The following ADCK5 variants were observed in gnomAD, a reference collection of about 807,000 sequenced individuals.
ADCK5 encodes the protein aarF domain containing kinase 5.
ADCK5 carries 43 observed loss-of-function variants against 64.9 expected under a neutral mutation model. The ratio of observed to expected loss-of-function variants is 0.66; its 90% CI spans 0.52 to 0.85. ADCK5 has a LOEUF of 0.85. Ranked by LOEUF, ADCK5 falls within the 40% of genes least tolerant of loss-of-function variation. ADCK5 has a pLI of 0.00. For synonymous variants in ADCK5, 434 were observed against 342.8 expected, an observed-to-expected ratio of 1.27 and a Z score of -2.94; for missense variants, 760 against 810.5, an observed-to-expected ratio of 0.94 and a Z score of 0.76.
intron 2 of ADCK5, 146 bp from the exon 3 acceptor site, chr8:144,382,935 T>C (rs1819743258): frequency 1.7e-6 from 2 of 1,173,192 alleles, no homozygotes; most frequent in Admixed American, 2.3e-5. Flanking sequence ...AAGGGGACGC[T>C]GATGCGGTGG....
chr8:144,382,614 T>C (rs1260418441), intron 2 of ADCK5, among the ~76,000 whole-genome samples: 3 of 152,248 alleles, frequency 2.0e-5, no homozygotes, highest in Admixed American at 1.3e-4. Flanking sequence ...GGGCAAGCTC[T>C]GTTTCTTGCT....
At position 144,375,608 on chromosome 8, in the gene ADCK5, C is replaced by A. The variant is rs150788601; in HGVS notation, c.12+1501C>A. 1.1e-3 allele frequency: 1,037 copies of A among 985,446 alleles called. 6 individuals are homozygous for A. The African/African-American group carries it at 0.017, about 16-fold the overall frequency. The allele number at this position is 985,446 out of a possible 1,614,324, so 61.0% of individuals were successfully genotyped here. ...CATGTGGTTCTGCGGCCAAAGCACG[C>A]CCTTTGGTTGTGAACTTCATGATAC... On this transcript the variant is annotated intron_variant, in intron 1 of 14. Transcript: ENST00000308860.
chr8:144,387,406 C>G (rs971541001), intron 3 of ADCK5, among the ~76,000 whole-genome samples: 2 of 149,418 alleles, frequency 1.3e-5, no homozygotes, highest in East Asian at 2.0e-4. Flanking sequence ...TTGTTTGTTT[C>G]TTTATTTATT....
chr8:144,390,237 C>T (rs1311590645), intron 3 of ADCK5, among the ~76,000 whole-genome samples: 2 of 152,230 alleles, frequency 1.3e-5, no homozygotes, highest in African/African-American at 4.8e-5. Flanking sequence ...AACGATCCTC[C>T]TGCCTCAGCT....
Position 144,393,100 on chromosome 8 carries a change from G to A in ADCK5, c.*26G>A, listed in dbSNP as rs781978463. ...GGTGCAGCCGCCCAGGGCCGGCGGG[G>A]CCCTTTTCACCTTGGGCTGACGGAG... On this transcript the variant is annotated 3_prime_UTR_variant, in exon 15 of 15. Coordinates refer to ENST00000308860, the MANE Select transcript of ADCK5 (RefSeq NM_174922.5). The A allele has an allele frequency of 8.6e-6, 13 of 1,517,764 alleles. No homozygotes were observed. In the East Asian group the frequency reaches 2.2e-4, roughly 25 times the overall value. 94.0% of individuals were successfully genotyped at this position (1,517,764 alleles called of 1,614,324 possible). A position where few individuals can be genotyped will look rare whatever the true frequency, so the allele number is the denominator to read the frequency against.
rs970672558 is a variant in ADCK5, at chr8:144,383,095, C to A, written c.131C>A (p.Thr44Lys). The change falls in exon 3 of 15, where the codon ACA becomes AAA. Residue 44 changes from threonine to lysine, a missense_variant. By Grantham distance (78) the Thr-to-Lys change is moderately conservative. This residue lies in a region of ADCK5 where 427 missense variants were observed against 518.4 expected (regional missense o/e 0.82). Coordinates refer to ENST00000308860, the MANE Select transcript of ADCK5 (RefSeq NM_174922.5). Reference protein sequence around the residue: ...RGLPPRFSSPTPLWRKVLSTA... With the variant: ...RGLPPRFSSPKPLWRKVLSTA... ...TCTCTCCTCAGGTTCTCCAGCCCCACACCCCTGTGGAGGAAGGTGCTCTCC... is the reference window on the plus strand; with the variant it reads ...TCTCTCCTCAGGTTCTCCAGCCCCAAACCCCTGTGGAGGAAGGTGCTCTCC... The A allele has an allele frequency of 5.7e-6, 9 of 1,588,124 alleles. No homozygotes were observed. In the Admixed American group the frequency reaches 1.6e-4, roughly 28 times the overall value.
At chr8:144,387,410 A>C (rs1427084104) in intron 3 of ADCK5, among the ~76,000 whole-genome samples, 1 of 148,410 alleles carries the variant, frequency 6.7e-6, no homozygotes, top group African/African-American at 2.5e-5. Flanking sequence ...TTGTTTCTTT[A>C]TTTATTTATT....
chr8:144,377,927 A>G (rs1174141770), intron 1 of ADCK5, among the ~76,000 whole-genome samples: 2 of 152,196 alleles, frequency 1.3e-5, no homozygotes, highest in Non-Finnish European at 2.9e-5. Context: ...GCAGCAGGAA[A>G]TAGTAAAATA....
chr8:144,391,936 C>T lies in ADCK5; in HGVS notation c.1015-5C>T. 1.9e-6 allele frequency: 3 copies of T among 1,612,518 alleles called. No homozygotes were observed. Among genetic ancestry groups the T allele is most frequent in the Non-Finnish European group, 2.5e-6 (3 of 1,179,990 alleles). On this transcript the variant is annotated splice_polypyrimidine_tract_variant and splice_region_variant and intron_variant, in intron 9 of 14. Transcript: ENST00000308860. The stretch of plus-strand genomic sequence containing the variant: ...TGTCCACTGCAATGCCTCTCCTCTC[C>T]CCAGATAGCAGAAAAGCTCATCAAG...
At chr8:144,381,599 G>A (rs1341464062) in intron 2 of ADCK5, among the ~76,000 whole-genome samples, 1 of 147,238 alleles carries the variant, frequency 6.8e-6, no homozygotes, top group African/African-American at 2.5e-5. Flanking sequence ...TGCAGAAACA[G>A]ATGTGTGCTC....
intron 2 of ADCK5, among the ~76,000 whole-genome samples, chr8:144,380,030 G>A (rs1159229023): frequency 6.6e-6 from 1 of 152,234 alleles, no homozygotes; most frequent in East Asian, 1.9e-4. Flanking sequence ...CCTGGCAGGG[G>A]TCTCCTTCTC....
chr8:144,386,371 T>G (rs1819928058), intron 3 of ADCK5, among the ~76,000 whole-genome samples: 1 of 151,742 alleles, frequency 6.6e-6, no homozygotes, highest in African/African-American at 2.4e-5. Context: ...TTTTTTTATT[T>G]TTTGAGATGG....
At position 144,390,935 on chromosome 8, in the gene ADCK5, A is replaced by G. The variant is rs1820190458; in HGVS notation, c.422A>G (p.Asn141Ser). The change falls in exon 5 of 15, where the codon AAC becomes AGC. Residue 141 changes from asparagine to serine, a missense_variant. This residue lies in a region of ADCK5 where 427 missense variants were observed against 518.4 expected (regional missense o/e 0.82). Transcript: ENST00000308860. Reference sequence around the variant, plus strand: ...GCCCTGGTGGCAGGGGCCATCAGCAACGGGGGCCTCTACGTGAAGCTGGGC... The same window carrying G: ...GCCCTGGTGGCAGGGGCCATCAGCAGCGGGGGCCTCTACGTGAAGCTGGGC... Reference protein sequence around the residue: ...ADALVAGAISNGGLYVKLGQG... With the variant: ...ADALVAGAISSGGLYVKLGQG... The G allele has an allele frequency of 1.9e-6, 3 of 1,612,968 alleles. No individual in the cohort carries two copies. The South Asian group carries it at 3.3e-5, about 18-fold the overall frequency.
rs527538579 is a variant in ADCK5 at position 144,378,187 on chromosome 8, G to A, written c.13-1200G>A. Reference sequence around the variant, plus strand: ...GGAGGTAGGATAGTGTTTCCATTACGGAATCAAAGATGGGAACCTGGCTTC... The same window carrying A: ...GGAGGTAGGATAGTGTTTCCATTACAGAATCAAAGATGGGAACCTGGCTTC... On this transcript the variant is annotated intron_variant, in intron 1 of 14. Coordinates refer to ENST00000308860, the MANE Select transcript of ADCK5 (RefSeq NM_174922.5). 3.9e-5 allele frequency among the ~76,000 whole-genome samples: 6 copies of A among 152,274 alleles called. No homozygotes were observed. In the East Asian group the frequency reaches 1.2e-3, roughly 29 times the overall value.
rs1350230914 is a variant in ADCK5 at position 144,392,156 on chromosome 8, G to C, written c.1161G>C (p.Gln387His). 6.6e-7 allele frequency: 1 copy of C among 1,517,706 alleles called. No homozygotes were observed. Among genetic ancestry groups the C allele is most frequent in the African/African-American group, 1.4e-5 (1 of 70,966 alleles). The allele number at this position is 1,517,706 out of a possible 1,614,324, so 94.0% of individuals were successfully genotyped here. The change falls in exon 11 of 15, where the codon CAG (glutamine) becomes CAC (histidine). Residue 387 changes from glutamine to histidine, a missense_variant. Physicochemically the swap from Gln to His is conservative, Grantham distance 24. Coordinates refer to ENST00000308860, the MANE Select transcript of ADCK5 (RefSeq NM_174922.5). ...ELVLLDHGLY[Q>H]FLEEKDRAAL... ...TGCTGCTGGACCACGGGCTCTACCA[G>C]TTCCTGGAGGAGAAGTGAGCGCGGG...
At chr8:144,374,796 C>T (rs1272926089) in intron 1 of ADCK5, among the ~76,000 whole-genome samples, 1 of 151,994 alleles carries the variant, frequency 6.6e-6, no homozygotes, top group Non-Finnish European at 1.5e-5. Flanking sequence ...GCGCGCCCCC[C>T]ATGGCTCCGA....
Position 144,379,415 on chromosome 8 carries a change from T to C in ADCK5, c.41T>C (p.Leu14Pro). ...PVQLCHFHSA[L>P]LHSRQKPWPS... ...CAGCTCTGTCATTTCCACTCTGCTC[T>C]GCTGCACAGCAGGCAGAAGCCCTGG... The change falls in exon 2 of 15, where the codon CTG (leucine) becomes CCG (proline). Residue 14 changes from leucine to proline, a missense_variant. This residue lies in a region of ADCK5 where 427 missense variants were observed against 518.4 expected (regional missense o/e 0.82). Transcript: ENST00000308860. 6.2e-7 allele frequency: 1 copy of C among 1,610,902 alleles called. No individual in the cohort carries two copies. Among genetic ancestry groups the C allele is most frequent in the Non-Finnish European group, 8.5e-7 (1 of 1,178,288 alleles).
At position 144,390,902 on chromosome 8, in the gene ADCK5, C is replaced by A. The variant is rs782122488; in HGVS notation, c.389C>A (p.Ala130Glu). ...LEVMSACHQR[A>E]ADALVAGAIS... ...GTGATGTCTGCGTGTCACCAGCGGG[C>A]GGCTGATGCCCTGGTGGCAGGGGCC... Residue 130 changes from alanine (A) to glutamate (E), a missense_variant, in exon 5 of 15, where the codon GCG becomes GAG. This residue lies in a region of ADCK5 where 427 missense variants were observed against 518.4 expected (regional missense o/e 0.82). Coordinates refer to ENST00000308860, the MANE Select transcript of ADCK5 (RefSeq NM_174922.5). 1.2e-6 allele frequency: 2 copies of A among 1,612,668 alleles called. No individual in the cohort carries two copies. Among genetic ancestry groups the A allele is most frequent in the African/African-American group, 2.7e-5 (2 of 74,926 alleles).
chr8:144,377,100 C>T (rs1291571959), intron 1 of ADCK5, among the ~76,000 whole-genome samples: 1 of 152,240 alleles, frequency 6.6e-6, no homozygotes, highest in Non-Finnish European at 1.5e-5. Context: ...TGCCACGGGG[C>T]ATGACTGGCT....
Sources: gnomAD v4.1 joint callset for allele counts (sites outside exome capture counted in the v4.1 genomes callset) on GRCh38, gnomAD v4.1.1 for gene constraint, gnomAD v4.1.1 regional missense constraint, MANE v1.5 for transcripts, NCBI Gene and HGNC (gene_info 2026-07-23, HGNC 2026-07-21) for gene names.